The following RPL26 variants were observed in gnomAD, a reference collection of about 807,000 sequenced individuals.
The protein encoded by RPL26 is ribosomal protein L26.
RPL26 carries 1 observed loss-of-function variant against 16.2 expected under a neutral mutation model. That is an observed-to-expected ratio of 0.06 (90% confidence interval 0.02 to 0.29). The LOEUF (loss-of-function observed/expected upper bound fraction) is 0.29, where lower values mean the gene tolerates loss of function less well. Ranked by LOEUF, RPL26 falls within the 10% of genes least tolerant of loss-of-function variation. RPL26 has a pLI of 1.00. For missense variants in RPL26, 102 were observed against 184.3 expected (o/e 0.55, Z 2.58); for synonymous variants, 55 against 62.4 (o/e 0.88, Z 0.56).
rs1297430812 is a variant in RPL26 at position 8,379,968 on chromosome 17, GAAT to G, written c.169-35_169-33del. The G allele has an allele frequency of 1.9e-6, 3 of 1,575,594 alleles. No individual in the cohort carries two copies. The East Asian group carries it at 6.7e-5, about 35-fold the overall frequency. On this transcript the variant is annotated intron_variant, in intron 2 of 3. Coordinates refer to ENST00000648839, the MANE Select transcript of RPL26 (RefSeq NM_000987.5). ...GCAAATTCAAAAGTAACAAATATTT[GAAT>G]AAAAGATTAACCTTGTAAATCAAGT...
chr17:8,380,661 C>T (rs7225924), intron 2 of RPL26: 53,010 of 152,050 alleles, frequency 0.35, 9,860 homozygotes, highest in Admixed American at 0.46. Flanking sequence ...ATTCTGTTTA[C>T]TGGTCCTCAA....
chr17:8,380,649 C>T (rs1907368318), intron 2 of RPL26: 1 of 152,190 alleles, frequency 6.6e-6, no homozygotes, highest in South Asian at 2.1e-4. Flanking sequence ...AGATTGGGAG[C>T]AATTCTGTTT....
At chr17:8,382,858 T>C in intron 1 of RPL26, 1 of 393,730 alleles carries the variant, frequency 2.5e-6, no homozygotes. Context: ...CGTGAAGACT[T>C]TACCGAGAAG....
chr17:8,382,207 G>C lies in RPL26; in HGVS notation c.104C>G (p.Ser35Cys), dbSNP rs758991598. The stretch of plus-strand genomic sequence containing the variant: ...GTTGTACTTCTGTCTCAGCTCTTTG[G>C]AAAGAGGGGAAGACATAATCTTCCT... The part of the protein sequence containing the change: ...IRRKIMSSPL[S>C]KELRQKYNVR... The change falls in exon 2 of 4, where the codon TCC becomes TGC. Residue 35 changes from serine to cysteine, a missense_variant. By Grantham distance (112) the Ser-to-Cys change is moderately radical (BLOSUM62 -1). Coordinates refer to ENST00000648839, the MANE Select transcript of RPL26 (RefSeq NM_000987.5). 2 of 1,613,902 alleles carry C rather than the reference G, an allele frequency of 1.2e-6. No individual in the cohort carries two copies. The highest frequency in any genetic ancestry group is 1.1e-5 in the South Asian group (1 of 91,076).
At chr17:8,380,607 G>GT (rs1334450022) in intron 2 of RPL26, 25 of 152,164 alleles carry the variant, frequency 1.6e-4, no homozygotes, top group African/African-American at 6.0e-4. Context: ...AAACGATAAC[G>GT]TGACTGTGCT....
At position 8,381,931 on chromosome 17, in the gene RPL26, CAA is replaced by C. The variant is rs34005158; in HGVS notation, c.168+210_168+211del. The C allele has an allele frequency of 0.52, 162,537 of 314,608 alleles. 25,065 individuals carry two copies. The highest frequency in any genetic ancestry group is 0.66 in the African/African-American group (23,176 of 34,946). The allele number at this position is 314,608 out of a possible 1,614,324, so 19.5% of individuals were successfully genotyped here. On this transcript the variant is annotated intron_variant, in intron 2 of 3. Transcript: ENST00000648839. ...GGGGGACAAGAGCGAGACTTCATCT[CAA>C]AAAAAAAAAAAAAAAAGATTTTCAC...
chr17:8,382,954 G>A lies in RPL26; in HGVS notation c.-6+203C>T, dbSNP rs1350674980. ...CTCCCTTCCCTCAGCTCGTTTTCGA[G>A]TTCCCAAATCCCCGGTCCCTCCATC... On this transcript the variant is annotated intron_variant, in intron 1 of 3. Coordinates refer to ENST00000648839, the MANE Select transcript of RPL26 (RefSeq NM_000987.5). 6 of 398,196 alleles carry A rather than the reference G, an allele frequency of 1.5e-5. No homozygotes were observed. The East Asian group carries it at 1.8e-4, about 12-fold the overall frequency. The allele number at this position is 398,196 out of a possible 1,614,324, so 24.7% of individuals were successfully genotyped here.
chr17:8,383,013 G>A (rs1207538229), intron 1 of RPL26, 144 bp downstream of exon 1: 2 of 398,394 alleles, frequency 5.0e-6, no homozygotes, highest in African/African-American at 2.1e-5. Context: ...ATTTAAGAAA[G>A]CAACAGATAA....
intron 2 of RPL26, 178 bp from the exon 3 acceptor site, chr17:8,380,114 A>C: frequency 1.7e-6 from 1 of 579,064 alleles, no homozygotes; most frequent in Non-Finnish European, 3.0e-6. Context: ...CCATCTCAAA[A>C]GCAGCAACAG....
At chr17:8,379,695 T>C (rs1341603273) in intron 3 of RPL26, 101 bp downstream of exon 3, 31 of 1,100,298 alleles carry the variant, frequency 2.8e-5, no homozygotes, top group Non-Finnish European at 4.0e-5. Flanking sequence ...TTCCAGCACA[T>C]GTAAAATCAA....
At chr17:8,381,999 G>A in intron 2 of RPL26, 144 bp downstream of exon 2, 3 of 643,520 alleles carry the variant, frequency 4.7e-6, no homozygotes, top group Non-Finnish European at 8.1e-6. Flanking sequence ...CTTACTTACT[G>A]TTTTTTGGTC....
chr17:8,378,734 A>C (rs1907272703), intron 3 of RPL26, among the ~76,000 whole-genome samples: 1 of 152,192 alleles, frequency 6.6e-6, no homozygotes, highest in African/African-American at 2.4e-5. Context: ...ATGCAGACCA[A>C]ACAAAAATCT....
chr17:8,378,605 GAGA>G (rs1202462172), intron 3 of RPL26, among the ~76,000 whole-genome samples: 4 of 152,192 alleles, frequency 2.6e-5, no homozygotes, highest in African/African-American at 7.2e-5. Context: ...AATCTTTAGT[GAGA>G]AGATGACAAT....
intron 1 of RPL26, 24 bp from the exon 2 acceptor site, chr17:8,382,339 CT>C: frequency 6.5e-7 from 1 of 1,542,904 alleles, no homozygotes; most frequent in Non-Finnish European, 8.9e-7. Flanking sequence ...TAAAAAGACT[CT>C]TAAATGACCA....
chr17:8,382,432 T>A, intron 1 of RPL26, 117 bp from the exon 2 acceptor site: 1 of 721,366 alleles, frequency 1.4e-6, no homozygotes. Flanking sequence ...TGTCATGTTG[T>A]GCAACTTCAA....
intron 2 of RPL26, chr17:8,381,924 T>A: frequency 2.8e-6 from 1 of 359,806 alleles, no homozygotes; most frequent in East Asian, 6.1e-5. Flanking sequence ...AGAGCGAGAC[T>A]TCATCTCAAA....
chr17:8,377,912 C>G (rs1012142430), intron 3 of RPL26, among the ~76,000 whole-genome samples: 1 of 152,226 alleles, frequency 6.6e-6, no homozygotes, highest in Non-Finnish European at 1.5e-5. Context: ...AAGATGGTAT[C>G]AGTAATTCTT....
intron 1 of RPL26, 167 bp from the exon 2 acceptor site, chr17:8,382,482 C>G: frequency 1.8e-6 from 1 of 561,682 alleles, no homozygotes; most frequent in East Asian, 3.1e-5. Context: ...AACCGAAGCT[C>G]GAAACTTTTT....
intron 1 of RPL26, chr17:8,382,916 C>A (rs1907493626): frequency 1.5e-5 from 6 of 397,188 alleles, no homozygotes; most frequent in Non-Finnish European, 4.4e-6. Context: ...AGACTCCAGT[C>A]TATTTCCACA....
Sources: gnomAD v4.1 joint callset for allele counts (sites outside exome capture counted in the v4.1 genomes callset) on GRCh38, gnomAD v4.1.1 for gene constraint, MANE v1.5 for transcripts, NCBI Gene and HGNC (gene_info 2026-07-23, HGNC 2026-07-21) for gene names.